CDH23: variants seen among roughly 807,000 people sequenced by gnomAD.
CDH23 encodes the protein cadherin-23.
Under a neutral mutation model 317.1 loss-of-function variants are expected in CDH23, and 189 were observed. The observed-to-expected ratio is 0.60, with a 90% CI of 0.53 to 0.67. CDH23 has a LOEUF of 0.67. CDH23 is among the 30% of genes least tolerant of loss of function. The pLI, the probability that CDH23 is intolerant of heterozygous loss-of-function variation, is 0.00. For missense variants in CDH23, 4,401 were observed against 4,592.4 expected, an observed-to-expected ratio of 0.96 and a Z score of 1.20; for synonymous variants, 1,839 against 1,876.8, an observed-to-expected ratio of 0.98 and a Z score of 0.52.
At chr10:71,779,033 T>C (rs969003945) in intron 40 of CDH23, among the ~76,000 whole-genome samples, 9 of 152,232 alleles carry the variant, frequency 5.9e-5, no homozygotes, top group Non-Finnish European at 1.3e-4. Context: ...CCACTGTGTC[T>C]GGCCAATAGC....
intron 14 of CDH23, among the ~76,000 whole-genome samples, chr10:71,650,641 C>T (rs999590482): frequency 1.3e-5 from 2 of 152,204 alleles, no homozygotes; most frequent in African/African-American, 2.4e-5. Flanking sequence ...GTCTCATGTG[C>T]ACACGTGTGT....
At chr10:71,609,938 G>A (rs1042767539) in intron 9 of CDH23, among the ~76,000 whole-genome samples, 1 of 151,130 alleles carries the variant, frequency 6.6e-6, no homozygotes, top group Non-Finnish European at 1.5e-5. Context: ...TCCAGAATGT[G>A]TAAGGACTCC....
At chr10:71,399,767 C>A (rs1847698290) in intron 1 of CDH23, among the ~76,000 whole-genome samples, 1 of 152,044 alleles carries the variant, frequency 6.6e-6, no homozygotes, top group Non-Finnish European at 1.5e-5. Context: ...TATAATGAGA[C>A]CCTGTCTCTA....
chr10:71,460,799 G>A (rs1014743118), intron 3 of CDH23, among the ~76,000 whole-genome samples: 10 of 152,222 alleles, frequency 6.6e-5, no homozygotes, highest in African/African-American at 2.4e-4. Context: ...TGGGGCGGTA[G>A]TGGCCAGCTG....
At position 71,751,283 on chromosome 10, in the gene CDH23, G is replaced by A. The variant is rs114278565; in HGVS notation, c.4845+9362G>A. ...TGACCTCAAAGTTTGGAGAGTCAGG[G>A]ACAGGGTCTGCAAGAAAAGGAGAAG... On this transcript the variant is annotated intron_variant, in intron 38 of 69. Coordinates refer to ENST00000224721, the MANE Select transcript of CDH23 (RefSeq NM_022124.6). This position sits in a 1 kb window ranked among gnomAD's most constrained non-coding sequence, Gnocchi z 4.9. 0.03 allele frequency: 47,739 copies of A among 1,609,924 alleles called. 896 individuals are homozygous for A. The highest frequency in any genetic ancestry group is 0.083 in the African/African-American group (6,232 of 74,954).
Position 71,732,285 on chromosome 10 carries a change from C to G in CDH23, c.4014C>G (p.Tyr1338Ter). 6.2e-7 allele frequency: 1 copy of G among 1,613,016 alleles called. No homozygotes were observed. The highest frequency in any genetic ancestry group is 1.1e-5 in the South Asian group (1 of 90,866). ...CTGAGATTGTGCGGGTCCAGGCCTA[C>G]TCCATCGACAACCTCAACCAAATCA... ...LGTEIVRVQA[Y>*]SIDNLNQITY... The change falls in exon 32 of 70, where the codon TAC becomes TAG. Residue 1338 changes from tyrosine (Y) to a stop codon, truncating the protein, a stop_gained. Coordinates refer to ENST00000224721, the MANE Select transcript of CDH23 (RefSeq NM_022124.6). LOFTEE classifies it high-confidence loss of function.
At chr10:71,711,428 C>T (rs935963715) in intron 27 of CDH23, among the ~76,000 whole-genome samples, 2 of 152,136 alleles carry the variant, frequency 1.3e-5, no homozygotes, top group African/African-American at 4.8e-5. Flanking sequence ...ACTCCAGCTG[C>T]CTGCACCACC....
chr10:71,625,799 A>AG (rs1308672339), intron 11 of CDH23, among the ~76,000 whole-genome samples: 3 of 152,096 alleles, frequency 2.0e-5, no homozygotes, highest in African/African-American at 7.2e-5. Flanking sequence ...CATCTGGGGA[A>AG]GGGGGGCCAC....
chr10:71,493,093 C>T (rs1852756225), intron 3 of CDH23, among the ~76,000 whole-genome samples: 1 of 152,164 alleles, frequency 6.6e-6, no homozygotes, highest in Admixed American at 6.5e-5. Context: ...TGTGTAGCCC[C>T]CAGACAGCTC....
chr10:71,737,037 G>A (rs183081352), intron 34 of CDH23, among the ~76,000 whole-genome samples: 5 of 152,310 alleles, frequency 3.3e-5, no homozygotes, highest in African/African-American at 9.6e-5. Flanking sequence ...GTCTAAATGA[G>A]GCCTTAGCTA....
chr10:71,702,889 G>C (rs1865645351), intron 24 of CDH23, among the ~76,000 whole-genome samples, 195 bp downstream of exon 24: 1 of 152,192 alleles, frequency 6.6e-6, no homozygotes, highest in Non-Finnish European at 1.5e-5. Flanking sequence ...GGTAGAGAGA[G>C]GGAGAGAGGC....
chr10:71,740,685 G>A lies in CDH23; in HGVS notation c.4489-137G>A, dbSNP rs1839709245. The A allele has an allele frequency of 6.4e-6, 8 of 1,241,578 alleles. No individual in the cohort carries two copies. In the East Asian group the frequency reaches 1.8e-4, roughly 27 times the overall value. 76.9% of individuals were successfully genotyped at this position (1,241,578 alleles called of 1,614,324 possible). On this transcript the variant is annotated intron_variant, in intron 36 of 69. Transcript: ENST00000224721. ...GGCCGGGAGAGCCCAGGGCTGGCCA[G>A]GCCACCCAGGGGTTCTCAGTGAGTC... is the stretch of plus-strand genomic sequence containing the variant.
intron 2 of CDH23, among the ~76,000 whole-genome samples, chr10:71,442,763 G>A (rs918896655): frequency 2.0e-5 from 3 of 152,202 alleles, no homozygotes; most frequent in African/African-American, 4.8e-5. Context: ...GGGTGGGAGA[G>A]GCCTCTGACC....
intron 15 of CDH23, 70 bp downstream of exon 15, chr10:71,675,246 C>G: frequency 1.4e-6 from 2 of 1,380,110 alleles, no homozygotes; most frequent in East Asian, 4.6e-5. Flanking sequence ...CTCATGAGAT[C>G]TGGGAACTTT....
intron 10 of CDH23, among the ~76,000 whole-genome samples, chr10:71,616,292 G>C (rs936782107): frequency 3.3e-5 from 5 of 152,242 alleles, no homozygotes; most frequent in African/African-American, 1.2e-4. Flanking sequence ...GAGGCCAGGG[G>C]CTCTGGGAAG....
intron 19 of CDH23, among the ~76,000 whole-genome samples, chr10:71,689,730 C>T (rs1363999515): frequency 1.3e-5 from 2 of 152,212 alleles, no homozygotes; most frequent in Admixed American, 6.5e-5. Context: ...TCTTTAGACC[C>T]GGTCCCAGGG....
At chr10:71,613,007 C>T (rs930690944) in intron 9 of CDH23, among the ~76,000 whole-genome samples, 1 of 152,204 alleles carries the variant, frequency 6.6e-6, no homozygotes, top group African/African-American at 2.4e-5. Flanking sequence ...CGCCACCACA[C>T]CCAGCTGTTT....
chr10:71,547,845 C>CTCCT (rs1856368808), intron 6 of CDH23, among the ~76,000 whole-genome samples: 1 of 152,200 alleles, frequency 6.6e-6, no homozygotes, highest in Admixed American at 6.5e-5. Flanking sequence ...ATCAAGTGGA[C>CTCCT]GGTGGCTTGT....
chr10:71,752,228 C>G (rs556712838), intron 38 of CDH23, among the ~76,000 whole-genome samples: 104 of 152,286 alleles, frequency 6.8e-4, no homozygotes, highest in Non-Finnish European at 1.1e-3. Context: ...GCATTAGGAT[C>G]GAACATCCCC....
Sources: gnomAD v4.1 joint callset for allele counts (sites outside exome capture counted in the v4.1 genomes callset) on GRCh38, gnomAD v4.1.1 for gene constraint, Gnocchi (gnomAD v3.1) non-coding constraint, MANE v1.5 for transcripts, NCBI Gene and HGNC (gene_info 2026-07-23, HGNC 2026-07-21) for gene names.